Variants in ENOX1 observed in about 807,000 individuals in gnomAD.
ENOX1 encodes ecto-NOX disulfide-thiol exchanger 1.
Under a neutral mutation model 82.5 loss-of-function variants are expected in ENOX1, and 42 were observed. The ratio of observed to expected loss-of-function variants is 0.51; its 90% CI spans 0.40 to 0.66. The LOEUF (loss-of-function observed/expected upper bound fraction) is 0.66, where lower values mean the gene tolerates loss of function less well. Among genes scored for constraint, ENOX1 ranks in the 30% least tolerant of loss-of-function variants. ENOX1 has a pLI of 0.00. For missense variants in ENOX1, 608 were observed against 811.6 expected, an observed-to-expected ratio of 0.75 and a Z score of 3.05; for synonymous variants, 271 against 282.2, an observed-to-expected ratio of 0.96 and a Z score of 0.40.
At chr13:43,541,173 G>GTGTTTTTTTTTTTTTT (rs1555317901) in intron 2 of ENOX1, among the ~76,000 whole-genome samples, 1 of 64,574 alleles carries the variant, frequency 1.5e-5, no homozygotes, top group African/African-American at 5.0e-5. Flanking sequence ...TCTTCCCTCT[G>GTGTTTTTTTTTTTTTT]TTTTTTTTTT....
chr13:43,294,621 C>G (rs927673957), intron 12 of ENOX1, among the ~76,000 whole-genome samples: 1 of 152,124 alleles, frequency 6.6e-6, no homozygotes, highest in Non-Finnish European at 1.5e-5. Flanking sequence ...CAATCACATT[C>G]CTAGGATTTA....
chr13:43,608,585 A>G (rs2082067785), intron 2 of ENOX1, among the ~76,000 whole-genome samples: 1 of 152,182 alleles, frequency 6.6e-6, no homozygotes, highest in South Asian at 2.1e-4. Context: ...TGAGTGTGAC[A>G]GGAGCTCAGG....
chr13:43,609,507 T>C (rs1222913530), intron 2 of ENOX1, among the ~76,000 whole-genome samples: 2 of 152,222 alleles, frequency 1.3e-5, no homozygotes, highest in Non-Finnish European at 2.9e-5. Context: ...ATCTCTTCAC[T>C]ACCATTCTGA....
chr13:43,628,477 ACTTT>A (rs1160832089), intron 2 of ENOX1, among the ~76,000 whole-genome samples: 3 of 151,922 alleles, frequency 2.0e-5, no homozygotes, highest in Admixed American at 6.6e-5. Context: ...CCTTGGTGAG[ACTTT>A]CTATTTCTTT....
At chr13:43,416,975 G>A (rs187499850) in intron 3 of ENOX1, among the ~76,000 whole-genome samples, 11 of 152,198 alleles carry the variant, frequency 7.2e-5, no homozygotes, top group Admixed American at 5.2e-4. Flanking sequence ...TCGGGAGGCC[G>A]GGGCGGGCAG....
intron 2 of ENOX1, chr13:43,544,204 A>G (rs1348558708): frequency 6.6e-6 from 1 of 152,172 alleles, no homozygotes; most frequent in South Asian, 2.1e-4. Context: ...CCAGAAAAAA[A>G]AGTACACAGT....
intron 1 of ENOX1, among the ~76,000 whole-genome samples, chr13:43,740,040 T>A (rs948101974): frequency 1.3e-5 from 2 of 151,972 alleles, no homozygotes; most frequent in Middle Eastern, 3.2e-3. Context: ...TCAAAAGTTA[T>A]GTGCAGCTTT....
At chr13:43,394,545 G>A (rs1009277215) in intron 5 of ENOX1, 1 of 152,204 alleles carries the variant, frequency 6.6e-6, no homozygotes, top group Non-Finnish European at 1.5e-5. Context: ...GCATTACTCC[G>A]GGGCCCTGGG....
At chr13:43,739,027 A>T (rs1181309537) in intron 1 of ENOX1, among the ~76,000 whole-genome samples, 1 of 152,206 alleles carries the variant, frequency 6.6e-6, no homozygotes, top group Non-Finnish European at 1.5e-5. Flanking sequence ...AAAATAAAAA[A>T]ACTATCCTAT....
chr13:43,304,317 G>A (rs1343999434), intron 11 of ENOX1, among the ~76,000 whole-genome samples: 4 of 152,224 alleles, frequency 2.6e-5, no homozygotes, highest in African/African-American at 9.7e-5. Context: ...ACATGATACA[G>A]TCAATATGAT....
intron 1 of ENOX1, among the ~76,000 whole-genome samples, chr13:43,691,045 A>C (rs938591784): frequency 6.6e-6 from 1 of 152,210 alleles, no homozygotes; most frequent in African/African-American, 2.4e-5. Flanking sequence ...CTGGAACTCC[A>C]TCAACTTTGT....
chr13:43,616,174 C>CTAGATAGATAGATA (rs1366369862), intron 2 of ENOX1, among the ~76,000 whole-genome samples: 1 of 9,280 alleles, frequency 1.1e-4, no homozygotes, highest in Admixed American at 1.7e-3. Flanking sequence ...ATCTATCTAT[C>CTAGATAGATAGATA]TATCTATCTA....
At chr13:43,412,446 G>C (rs970687188) in intron 4 of ENOX1, among the ~76,000 whole-genome samples, 4 of 152,106 alleles carry the variant, frequency 2.6e-5, no homozygotes, top group Non-Finnish European at 5.9e-5. Context: ...TGAGCAGGCA[G>C]GCCTTCTATC....
At position 43,412,957 on chromosome 13, in the gene ENOX1, G is replaced by C; in HGVS notation, c.-43C>G. On this transcript the variant is annotated 5_prime_UTR_variant, in exon 4 of 17. An upstream open reading frame in the 5' UTR gains an earlier in-frame stop. Coordinates refer to ENST00000690772, the MANE Select transcript of ENOX1 (RefSeq NM_001347969.2). ...GAGGGGCAGGAACACTTTGATGGCTGAGTGCAGGGTCCCCTCGGAGGTCAT... is the reference window on the plus strand; with the variant it reads ...GAGGGGCAGGAACACTTTGATGGCTCAGTGCAGGGTCCCCTCGGAGGTCAT... 6.2e-7 allele frequency: 1 copy of C among 1,612,546 alleles called. No homozygotes were observed. Among genetic ancestry groups the C allele is most frequent in the Non-Finnish European group, 8.5e-7 (1 of 1,179,626 alleles).
chr13:43,569,813 T>C (rs1848901415), intron 2 of ENOX1, among the ~76,000 whole-genome samples: 1 of 152,222 alleles, frequency 6.6e-6, no homozygotes, highest in African/African-American at 2.4e-5. Flanking sequence ...ACTGGTGTTT[T>C]TGCTTTTTTG....
chr13:43,230,221 G>A (rs2042218114), intron 15 of ENOX1, among the ~76,000 whole-genome samples: 1 of 152,178 alleles, frequency 6.6e-6, no homozygotes. Flanking sequence ...GCCAGGTAGA[G>A]GGAGTTGAGA....
chr13:43,448,131 G>C (rs749610925), intron 3 of ENOX1, among the ~76,000 whole-genome samples: 12 of 152,180 alleles, frequency 7.9e-5, no homozygotes, highest in Non-Finnish European at 1.5e-4. Flanking sequence ...TTTTTGCACT[G>C]CTTTGATTTT....
chr13:43,527,354 G>A (rs907614665), intron 2 of ENOX1, among the ~76,000 whole-genome samples: 6 of 152,010 alleles, frequency 3.9e-5, no homozygotes, highest in Admixed American at 3.3e-4. Context: ...CAACTACATA[G>A]GCAGCTGTGG....
intron 1 of ENOX1, among the ~76,000 whole-genome samples, chr13:43,688,375 A>G (rs2153801927): frequency 6.6e-6 from 1 of 152,294 alleles, no homozygotes; most frequent in East Asian, 1.9e-4. Flanking sequence ...AAAGAAGTGG[A>G]TGGGTTCAAA....
Sources: allele counts gnomAD v4.1 joint callset (sites outside exome capture counted in the v4.1 genomes callset), GRCh38; gene constraint gnomAD v4.1.1; transcripts MANE v1.5; gene names NCBI Gene and HGNC (gene_info 2026-07-23, HGNC 2026-07-21).